The following ADAM18 variants were observed in gnomAD, a reference collection of about 807,000 sequenced individuals.
ADAM18 encodes the protein ADAM metallopeptidase domain 18.
Under a neutral mutation model 94.4 loss-of-function variants are expected in ADAM18, and 117 were observed. The observed-to-expected ratio is 1.24, with a 90% CI of 1.07 to 1.45. The LOEUF (loss-of-function observed/expected upper bound fraction) is 1.45, where lower values mean the gene tolerates loss of function less well. Ranked by LOEUF, ADAM18 falls within the 40% of genes most tolerant of loss-of-function variation. The pLI, the probability that ADAM18 is intolerant of heterozygous loss-of-function variation, is 0.00. For synonymous variants in ADAM18, 327 were observed against 291.6 expected (o/e 1.12, Z -1.24); for missense variants, 936 against 880.0 (o/e 1.06, Z -0.81).
intron 13 of ADAM18, among the ~76,000 whole-genome samples, chr8:39,665,663 T>A (rs1235696758): frequency 1.2e-4 from 19 of 152,212 alleles, no homozygotes. Context: ...TATTTGTACC[T>A]TTTAAAAATC....
At chr8:39,603,112 C>T (rs563649287) in intron 2 of ADAM18, among the ~76,000 whole-genome samples, 8 of 152,202 alleles carry the variant, frequency 5.3e-5, no homozygotes, top group African/African-American at 1.4e-4. Flanking sequence ...GTTCTATCAC[C>T]GTCAATTGAA....
intron 16 of ADAM18, among the ~76,000 whole-genome samples, chr8:39,683,615 T>C (rs1821527918): frequency 6.6e-6 from 1 of 152,222 alleles, no homozygotes; most frequent in Admixed American, 6.5e-5. Context: ...TTACTCATTT[T>C]TATATGTGCA....
chr8:39,634,866 A>G lies in ADAM18; in HGVS notation c.589-2398A>G, dbSNP rs77689442. On this transcript the variant is annotated intron_variant, in intron 7 of 19. Transcript: ENST00000265707. ...GTTAGGATTTTTTAGGACTATTTGG[A>G]TGGGATGAAGGTATTTTGTACGTGA... Among the ~76,000 whole-genome samples, 11 of 152,308 alleles carry G rather than the reference A, an allele frequency of 7.2e-5. No homozygotes were observed. In the East Asian group the frequency reaches 1.5e-3, roughly 21 times the overall value.
chr8:39,646,078 C>A (rs1048405399), intron 11 of ADAM18, among the ~76,000 whole-genome samples: 3 of 152,070 alleles, frequency 2.0e-5, no homozygotes, highest in Non-Finnish European at 4.4e-5. Context: ...TAAGCTAAGG[C>A]ATTTCTTTTT....
chr8:39,648,396 T>C lies in ADAM18; in HGVS notation c.1099T>C (p.Tyr367His), dbSNP rs190997988. The change falls in exon 12 of 20, where the codon TAT becomes CAT. Residue 367 changes from tyrosine to histidine, a missense_variant. Tyr to His is a moderately conservative substitution (Grantham distance 83). Transcript: ENST00000265707. The stretch of plus-strand genomic sequence containing the variant: ...CAACTGCAGCATGCACGACTATAGA[T>C]ATTTTGTTTCAAAATTTGAGACTAA... The part of the protein sequence containing the change: ...FSNCSMHDYR[Y>H]FVSKFETKCL... The C allele has an allele frequency of 9.3e-6, 15 of 1,613,076 alleles. No homozygotes were observed. The Admixed American group carries it at 2.3e-4, about 25-fold the overall frequency.
intron 2 of ADAM18, among the ~76,000 whole-genome samples, chr8:39,593,581 A>G (rs759894504): frequency 2.6e-5 from 4 of 152,192 alleles, no homozygotes; most frequent in Non-Finnish European, 4.4e-5. Context: ...GAGAGCCCAG[A>G]AATGAATCCA....
intron 7 of ADAM18, among the ~76,000 whole-genome samples, 167 bp downstream of exon 7, chr8:39,629,606 C>T (rs1819876178): frequency 6.6e-6 from 1 of 150,748 alleles, no homozygotes; most frequent in Non-Finnish European, 1.5e-5. Context: ...CCCCTCCCCT[C>T]TGTCTTCCCT....
In ADAM18 at chr8:39,723,733, A is replaced by G. The variant is rs752428502; in HGVS notation, c.2018-15A>G. The G allele has an allele frequency of 1.7e-5, 24 of 1,444,110 alleles. No homozygotes were observed. The highest frequency in any genetic ancestry group is 2.9e-5 in the African/African-American group (2 of 68,096). 89.5% of individuals were successfully genotyped at this position (1,444,110 alleles called of 1,614,324 possible). A position where few individuals can be genotyped will look rare whatever the true frequency, so the allele number is the denominator to read the frequency against. On this transcript the variant is annotated splice_polypyrimidine_tract_variant and intron_variant, in intron 18 of 19. Transcript: ENST00000265707. ...CACTGAGTCCCCACTAATTTATCATATGATTCATTTCTAGGTGACTTTTAT... is the reference window on the plus strand; with the variant it reads ...CACTGAGTCCCCACTAATTTATCATGTGATTCATTTCTAGGTGACTTTTAT...
chr8:39,621,244 A>T (rs1021527305), intron 6 of ADAM18, among the ~76,000 whole-genome samples: 1 of 151,910 alleles, frequency 6.6e-6, no homozygotes, highest in Non-Finnish European at 1.5e-5. Flanking sequence ...ATCATCAGAT[A>T]CTATTACATA....
rs1277074092 is a variant in ADAM18, at chr8:39,680,064, T to C, written c.1659T>C (p.Cys553=). ...ATGTTCTCTGTGGAAAATTAGCTTG[T>C]GTTCAGCCACATAAAAATGCTAATA... ...RKDVLCGKLA[C]VQPHKNANKS... Residue 553 remains cysteine, a synonymous_variant, in exon 16 of 20, where the codon TGT becomes TGC. Coordinates refer to ENST00000265707, the MANE Select transcript of ADAM18 (RefSeq NM_014237.3). 8 of 1,613,616 alleles carry C rather than the reference T, an allele frequency of 5.0e-6. No individual in the cohort carries two copies. The highest frequency in any genetic ancestry group is 1.3e-5 in the African/African-American group (1 of 74,894).
intron 17 of ADAM18, among the ~76,000 whole-genome samples, chr8:39,706,178 A>G (rs1822237197): frequency 6.6e-6 from 1 of 152,158 alleles, no homozygotes; most frequent in Non-Finnish European, 1.5e-5. Context: ...ACATTGTCAA[A>G]TGTTAACTTC....
At chr8:39,677,280 T>C in intron 14 of ADAM18, 151 bp from the exon 15 acceptor site, 3 of 577,672 alleles carry the variant, frequency 5.2e-6, no homozygotes, top group Admixed American at 3.8e-5. Flanking sequence ...CAATTATTTC[T>C]TTCTACTTGC....
At chr8:39,639,525 T>G (rs1012271675) in intron 10 of ADAM18, among the ~76,000 whole-genome samples, 1 of 152,022 alleles carries the variant, frequency 6.6e-6, no homozygotes, top group Admixed American at 6.6e-5. Context: ...CTTCCTATTA[T>G]TGAAGTTAGA....
At chr8:39,692,287 A>G (rs1821803090) in intron 16 of ADAM18, among the ~76,000 whole-genome samples, 1 of 151,792 alleles carries the variant, frequency 6.6e-6, no homozygotes, top group Admixed American at 6.6e-5. Context: ...TAATATAGAA[A>G]ACTCATACGA....
rs920285936 is a variant in ADAM18 at position 39,661,453 on chromosome 8, C to T, written c.1231-2342C>T. Among the ~76,000 whole-genome samples, 4 of 150,298 alleles carry T rather than the reference C, an allele frequency of 2.7e-5. No individual in the cohort carries two copies. The East Asian group carries it at 6.0e-4, about 22-fold the overall frequency. On this transcript the variant is annotated intron_variant, in intron 12 of 19. Transcript: ENST00000265707. ...CCTCCCAAAGTGCTGAGATTACAGG[C>T]GTGAGCCACCATTCCCAGCCTCTCT...
chr8:39,670,162 G>A (rs1821114917), intron 14 of ADAM18, among the ~76,000 whole-genome samples: 1 of 152,002 alleles, frequency 6.6e-6, no homozygotes, highest in Non-Finnish European at 1.5e-5. Context: ...TGATGGGGTT[G>A]TTTGTTTTTT....
intron 12 of ADAM18, among the ~76,000 whole-genome samples, chr8:39,651,004 G>T (rs142377752): frequency 7.4e-5 from 10 of 135,810 alleles, no homozygotes; most frequent in Non-Finnish European, 1.3e-4. Flanking sequence ...CTCAGAGAGG[G>T]GGATGTGGCA....
chr8:39,655,099 A>AT (rs1389144854), intron 12 of ADAM18, among the ~76,000 whole-genome samples: 9 of 151,982 alleles, frequency 5.9e-5, no homozygotes, highest in Admixed American at 3.9e-4. Context: ...TTAAAAAAAA[A>AT]CTTAGCCCAA....
At chr8:39,672,373 A>G (rs959749893) in intron 14 of ADAM18, among the ~76,000 whole-genome samples, 1 of 152,192 alleles carries the variant, frequency 6.6e-6, no homozygotes, top group Non-Finnish European at 1.5e-5. Flanking sequence ...ACCAGATAGC[A>G]GTGCTTACCT....
Sources: allele counts gnomAD v4.1 joint callset (sites outside exome capture counted in the v4.1 genomes callset), GRCh38; gene constraint gnomAD v4.1.1; transcripts MANE v1.5; gene names NCBI Gene and HGNC (gene_info 2026-07-23, HGNC 2026-07-21).